Variants in ZHX2 observed in about 807,000 individuals in gnomAD.
ZHX2 encodes the protein zinc fingers and homeoboxes 2, also known as zinc fingers and homeoboxes protein 2.
ZHX2 carries 6 observed loss-of-function variants against 21.9 expected under a neutral mutation model. The observed-to-expected ratio is 0.27, with a 90% CI of 0.15 to 0.54. The LOEUF is 0.54. Among genes scored for constraint, ZHX2 ranks in the 20% least tolerant of loss-of-function variants. ZHX2 has a pLI of 0.95. For missense variants in ZHX2, 908 were observed against 1,090.7 expected, an observed-to-expected ratio of 0.83 and a Z score of 2.36; for synonymous variants, 434 against 437.1, an observed-to-expected ratio of 0.99 and a Z score of 0.09.
chr8:122,781,076 G>C (rs2130495294), upstream of ZHX2: 1 of 152,316 alleles, frequency 6.6e-6, no homozygotes, highest in South Asian at 2.1e-4. This position sits in a 1 kb window ranked among gnomAD's most constrained non-coding sequence, Gnocchi z 4.6. Context: ...GCTCAACATA[G>C]TTTTAAAATC....
At chr8:122,909,141 A>T (rs1820415730) in intron 2 of ZHX2, among the ~76,000 whole-genome samples, 1 of 152,190 alleles carries the variant, frequency 6.6e-6, no homozygotes, top group African/African-American at 2.4e-5. Context: ...CTTTGGTTTT[A>T]AAAAGTGGGC....
At chr8:122,786,221 C>T (rs554700170) in intron 1 of ZHX2, among the ~76,000 whole-genome samples, 1 of 152,304 alleles carries the variant, frequency 6.6e-6, no homozygotes, top group South Asian at 2.1e-4. Context: ...AAACACTACA[C>T]TTGCCTTTTT....
At chr8:122,791,014 G>C (rs960669319) in intron 1 of ZHX2, among the ~76,000 whole-genome samples, 4 of 152,240 alleles carry the variant, frequency 2.6e-5, no homozygotes, top group Admixed American at 6.5e-5. Context: ...CCACACTGAT[G>C]TTCATCAAGC....
chr8:122,891,927 G>A (rs1051984405), intron 2 of ZHX2, among the ~76,000 whole-genome samples: 4 of 152,254 alleles, frequency 2.6e-5, no homozygotes, highest in South Asian at 2.1e-4. Flanking sequence ...GTAAATGTCC[G>A]CTAGGTCTAT....
intron 1 of ZHX2, among the ~76,000 whole-genome samples, chr8:122,825,304 T>C (rs2130652558): frequency 6.6e-6 from 1 of 152,276 alleles, no homozygotes; most frequent in East Asian, 1.9e-4. Flanking sequence ...TCACATTGCT[T>C]TATAGCTGGC....
intron 2 of ZHX2, among the ~76,000 whole-genome samples, chr8:122,904,572 A>G (rs554925216): frequency 1.7e-4 from 26 of 152,318 alleles, no homozygotes; most frequent in African/African-American, 6.0e-4. Context: ...CAGGAGCTGG[A>G]ACTCCCATCA....
chr8:122,892,611 G>T (rs374222223), intron 2 of ZHX2, among the ~76,000 whole-genome samples: 1 of 152,060 alleles, frequency 6.6e-6, no homozygotes, highest in South Asian at 2.1e-4. Flanking sequence ...ACTTTTGTGT[G>T]TTTTCATCGT....
In ZHX2 at chr8:122,829,374, T is replaced by C. The variant is rs143125032; in HGVS notation, c.-282-34103T>C. 6.6e-5 allele frequency among the ~76,000 whole-genome samples: 10 copies of C among 152,392 alleles called. No individual in the cohort carries two copies. The East Asian group carries it at 1.9e-3, about 29-fold the overall frequency. ...TCAAACAAGGCTTGTTAACTTTTAC[T>C]GTCACAGAAGCTTCAAGAACTTATA... On this transcript the variant is annotated intron_variant, in intron 1 of 3. Coordinates refer to ENST00000314393, the MANE Select transcript of ZHX2 (RefSeq NM_014943.5).
At chr8:122,932,383 G>A (rs1236111316) in intron 2 of ZHX2, among the ~76,000 whole-genome samples, 2 of 152,202 alleles carry the variant, frequency 1.3e-5, no homozygotes, top group African/African-American at 4.8e-5. Flanking sequence ...TTGGCGGGCC[G>A]GCTCCTTCTG....
intron 2 of ZHX2, among the ~76,000 whole-genome samples, chr8:122,938,442 G>C (rs994660179): frequency 6.6e-6 from 1 of 152,156 alleles, no homozygotes; most frequent in African/African-American, 2.4e-5. Context: ...GACGAGCTCA[G>C]ATCTTTGGGA....
intron 3 of ZHX2, among the ~76,000 whole-genome samples, chr8:122,956,256 C>T (rs1272247656): frequency 6.6e-6 from 1 of 152,230 alleles, no homozygotes; most frequent in Admixed American, 6.5e-5. Flanking sequence ...ACAGTACCTT[C>T]TGAGCACCTA....
intron 1 of ZHX2, among the ~76,000 whole-genome samples, chr8:122,862,180 A>T (rs911429305): frequency 6.6e-6 from 1 of 151,796 alleles, no homozygotes; most frequent in South Asian, 2.1e-4. Context: ...GTCACCCACC[A>T]CCCGTGGCTA....
intron 3 of ZHX2, among the ~76,000 whole-genome samples, chr8:122,954,856 T>C (rs557394358): frequency 1.9e-4 from 28 of 150,290 alleles, no homozygotes; most frequent in Admixed American, 1.2e-3. Flanking sequence ...TTTTTTTTTT[T>C]CCCCCCTTTT....
intron 1 of ZHX2, among the ~76,000 whole-genome samples, chr8:122,849,348 T>C (rs1011272633): frequency 1.3e-5 from 2 of 152,208 alleles, no homozygotes; most frequent in Non-Finnish European, 2.9e-5. Flanking sequence ...TACCTCTCTA[T>C]GCCTGGTCTT....
intron 3 of ZHX2, among the ~76,000 whole-genome samples, chr8:122,961,870 C>CTGCTCT (rs1813458937): frequency 1.3e-5 from 2 of 152,172 alleles, no homozygotes; most frequent in Non-Finnish European, 2.9e-5. Flanking sequence ...AGCATTAGTA[C>CTGCTCT]CAATAGATAC....
At chr8:122,780,919 C>A (rs1022325511), upstream of ZHX2, 2 of 152,200 alleles carry the variant, frequency 1.3e-5, no homozygotes, top group Admixed American at 1.3e-4. Context: ...GATCTTTAAC[C>A]AGCCTCAGAC....
In ZHX2 at chr8:122,782,143, C is replaced by T. The variant is rs1817301585; in HGVS notation, c.-283+197C>T. ...GTACGGAAGGGGGGGGGTGTGCAGG[C>T]TCTTTTTGCGGGTGGGAGGAAATGA... On this transcript the variant is annotated intron_variant, in intron 1 of 3. Transcript: ENST00000314393. The surrounding 1 kb of genome is among the most constrained non-coding windows in gnomAD (Gnocchi z 5.3). 6.7e-6 allele frequency among the ~76,000 whole-genome samples: 1 copy of T among 149,486 alleles called. No individual in the cohort carries two copies. The highest frequency in any genetic ancestry group is 2.1e-4 in the South Asian group (1 of 4,674).
Position 122,850,639 on chromosome 8 carries a change from CAAA to C in ZHX2, c.-282-12821_-282-12819del, listed in dbSNP as rs60682747. On this transcript the variant is annotated intron_variant, in intron 1 of 3. Transcript: ENST00000314393. ...TGGGCAAGAAAGCGAGACTCTGTCT[CAAA>C]AAAAAAAAAAAAAAAATGCCACCAC... 2.5e-3 allele frequency among the ~76,000 whole-genome samples: 283 copies of C among 114,130 alleles called. 2 individuals carry two copies. Among genetic ancestry groups the C allele is most frequent in the Admixed American group, 4.3e-3 (43 of 10,046 alleles). 74.9% of individuals were successfully genotyped at this position (114,130 alleles called of 152,430 possible).
At position 122,897,131 on chromosome 8, in the gene ZHX2, C is replaced by T. The variant is rs535198371; in HGVS notation, c.-220+33592C>T. 2.6e-5 allele frequency among the ~76,000 whole-genome samples: 4 copies of T among 152,252 alleles called. No individual in the cohort carries two copies. The East Asian group carries it at 7.7e-4, about 29-fold the overall frequency. On this transcript the variant is annotated intron_variant, in intron 2 of 3. Coordinates refer to ENST00000314393, the MANE Select transcript of ZHX2 (RefSeq NM_014943.5). ...TGCTCAAATAGGAGCCTGGGCTTCC[C>T]CTGGCACTGAGCACTGGAGTCACTT...
Sources: gnomAD v4.1 joint callset for allele counts (sites outside exome capture counted in the v4.1 genomes callset) on GRCh38, gnomAD v4.1.1 for gene constraint, Gnocchi (gnomAD v3.1) non-coding constraint, MANE v1.5 for transcripts, NCBI Gene and HGNC (gene_info 2026-07-23, HGNC 2026-07-21) for gene names.